ZNF518B: variants seen among roughly 807,000 people sequenced by gnomAD.
The protein encoded by ZNF518B is zinc finger protein 518B.
A neutral mutation model predicts 56.3 loss-of-function variants in ZNF518B; 23 were observed. That is an observed-to-expected ratio of 0.41 (90% CI 0.29 to 0.58). The LOEUF is 0.58. ZNF518B is among the 20% of genes least tolerant of loss of function. The pLI is 0.32. For synonymous variants in ZNF518B, 529 were observed against 465.9 expected (o/e 1.14, Z -1.74); for missense variants, 1,460 against 1,272.1 (o/e 1.15, Z -2.25).
At chr4:10,447,142 A>C (rs1168390004) in intron 2 of ZNF518B, among the ~76,000 whole-genome samples, 1 of 152,236 alleles carries the variant, frequency 6.6e-6, no homozygotes, top group East Asian at 1.9e-4. Flanking sequence ...GGCATTATTC[A>C]AAAGTGCTGT....
At chr4:10,455,957 A>G (rs1392187792) in intron 1 of ZNF518B, among the ~76,000 whole-genome samples, 1 of 152,216 alleles carries the variant, frequency 6.6e-6, no homozygotes, top group African/African-American at 2.4e-5. Context: ...CTGTGTACTG[A>G]CATCATATGC....
In ZNF518B at chr4:10,442,313, A is replaced by C. The variant is rs900482001; in HGVS notation, c.*791T>G. The C allele has an allele frequency of 6.6e-6, 1 of 152,256 alleles. No individual in the cohort carries two copies. The highest frequency in any genetic ancestry group is 2.1e-4 in the South Asian group (1 of 4,834). 9.4% of individuals were successfully genotyped at this position (152,256 alleles called of 1,614,324 possible). On this transcript the variant is annotated 3_prime_UTR_variant, in exon 3 of 3. Transcript: ENST00000326756. Reference sequence around the variant, plus strand: ...TTATGTTTCTGGGAGTGGTAAGGGCAAAGAGAAAATAGTTTTAGATATTTT... The same window carrying C: ...TTATGTTTCTGGGAGTGGTAAGGGCCAAGAGAAAATAGTTTTAGATATTTT...
Position 10,445,888 on chromosome 4 carries a change from C to T in ZNF518B, c.441G>A (p.Pro147=), listed in dbSNP as rs746820646. 1.4e-4 allele frequency: 225 copies of T among 1,614,044 alleles called. No homozygotes were observed. The highest frequency in any genetic ancestry group is 7.3e-4 in the Admixed American group (44 of 60,010). The change falls in exon 3 of 3, where the codon CCG becomes CCA. Residue 147 remains proline, a synonymous_variant. Coordinates refer to ENST00000326756, the MANE Select transcript of ZNF518B (RefSeq NM_053042.3). ...GAAGGGTGTGCTTTTTGTACTGCAG[C>T]GGGTCCTTTGTAGAGAATCGACATT... ...CDKCRFSTKD[P]LQYKKHTLQH... is the part of the protein sequence containing the mutation.
At position 10,444,311 on chromosome 4, in the gene ZNF518B, A is replaced by G. The variant is rs1714855303; in HGVS notation, c.2018T>C (p.Ile673Thr). The change falls in exon 3 of 3, where the codon ATT becomes ACT. Residue 673 changes from isoleucine to threonine, a missense_variant. Ile to Thr is a moderately conservative substitution (Grantham distance 89). Transcript: ENST00000326756. The part of the protein sequence containing the change: ...ELLRRKIAQL[I>T]ESCGKPSSLA... ...AGATGACGGCTTCCCACAGGACTCA[A>G]TTAACTGAGCTATCTTTCTGCGCAA... The G allele has an allele frequency of 6.2e-7, 1 of 1,614,098 alleles. No homozygotes were observed. The highest frequency in any genetic ancestry group is 1.3e-5 in the African/African-American group (1 of 74,942).
Position 10,445,599 on chromosome 4 carries a change from T to G in ZNF518B, c.730A>C (p.Lys244Gln), listed in dbSNP as rs1185412725. 1 of 1,614,204 alleles carries G rather than the reference T, an allele frequency of 6.2e-7. No individual in the cohort carries two copies. The highest frequency in any genetic ancestry group is 1.7e-5 in the Admixed American group (1 of 60,028). ...GTSKQNPELLKASNPRTTFQN... is the reference protein window; with the variant it reads ...GTSKQNPELLQASNPRTTFQN... The stretch of plus-strand genomic sequence containing the variant: ...AATGTAGTCCGTGGATTGGAAGCTT[T>G]TAGAAGCTCTGGGTTTTGTTTTGAA... Residue 244 changes from lysine (K) to glutamine (Q), a missense_variant, in exon 3 of 3, where the codon AAA becomes CAA. Transcript: ENST00000326756.
chr4:10,450,634 A>T (rs566932219), intron 2 of ZNF518B, among the ~76,000 whole-genome samples: 1 of 152,302 alleles, frequency 6.6e-6, no homozygotes, highest in African/African-American at 2.4e-5. Context: ...ACACCTGTGA[A>T]GCTGAGTCCT....
intron 2 of ZNF518B, among the ~76,000 whole-genome samples, chr4:10,447,085 G>A (rs1417201088): frequency 2.0e-5 from 3 of 152,212 alleles, no homozygotes; most frequent in Non-Finnish European, 4.4e-5. Context: ...TACTGACAAT[G>A]TTAGCAAGCC....
chr4:10,443,713 T>C lies in ZNF518B; in HGVS notation c.2616A>G (p.Glu872=), dbSNP rs1327281906. 2 of 1,614,092 alleles carry C rather than the reference T, an allele frequency of 1.2e-6. No homozygotes were observed. The highest frequency in any genetic ancestry group is 2.7e-5 in the African/African-American group (2 of 74,940). ...AAAGCAGTCTCCCTTGCTTATTTAA[T>C]TCACTGCTTCCTTGCTGTCCATACA... The part of the protein sequence containing the change: ...GLLYGQQGSS[E]LNKQGRLLSR... Residue 872 remains glutamate (E), a synonymous_variant, in exon 3 of 3, where the codon GAA becomes GAG. Coordinates refer to ENST00000326756, the MANE Select transcript of ZNF518B (RefSeq NM_053042.3).
chr4:10,452,581 T>C (rs998663466), intron 2 of ZNF518B: 4 of 152,150 alleles, frequency 2.6e-5, no homozygotes, highest in African/African-American at 9.7e-5. Context: ...CAGAAACAGC[T>C]TTCTAAGACC....
chr4:10,447,631 A>C (rs1043077462), intron 2 of ZNF518B, among the ~76,000 whole-genome samples: 1 of 150,308 alleles, frequency 6.7e-6, no homozygotes. Flanking sequence ...AAGCACTCCA[A>C]TATACACAGA....
intron 2 of ZNF518B, among the ~76,000 whole-genome samples, chr4:10,448,742 T>A (rs112909737): frequency 6.8e-4 from 103 of 152,270 alleles, no homozygotes; most frequent in African/African-American, 2.3e-3. Flanking sequence ...GACACATGAA[T>A]GCCTCAAGCT....
upstream of ZNF518B, among the ~76,000 whole-genome samples, chr4:10,460,338 A>AAAAAAAAAAAAAAAC: frequency 6.9e-6 from 1 of 144,932 alleles, no homozygotes; most frequent in East Asian, 2.1e-4. Flanking sequence ...AAAAAAAAAA[A>AAAAAAAAAAAAAAAC]CCGACCATGT....
chr4:10,454,629 C>T (rs1715454725), intron 2 of ZNF518B, 176 bp downstream of exon 2: 9 of 152,230 alleles, frequency 5.9e-5, no homozygotes, highest in Non-Finnish European at 1.5e-5. Context: ...CAGTTATCTG[C>T]TTCTTCCCTG....
At chr4:10,456,873 C>T (rs946295399) in intron 1 of ZNF518B, among the ~76,000 whole-genome samples, 2 of 152,034 alleles carry the variant, frequency 1.3e-5, no homozygotes, top group African/African-American at 4.8e-5. Flanking sequence ...TCCTTCATAA[C>T]GCTGGGGGCG....
chr4:10,459,717 G>A (rs543030442), upstream of ZNF518B, among the ~76,000 whole-genome samples: 4 of 152,286 alleles, frequency 2.6e-5, no homozygotes, highest in Admixed American at 6.5e-5. Context: ...GACAGAGGCC[G>A]AGATTGGAGT....
rs556080491 is a variant in ZNF518B at position 10,445,508 on chromosome 4, T to C, written c.821A>G (p.Asn274Ser). 13 of 1,614,220 alleles carry C rather than the reference T, an allele frequency of 8.1e-6. No homozygotes were observed. The highest frequency in any genetic ancestry group is 4.4e-5 in the South Asian group (4 of 91,086). The stretch of plus-strand genomic sequence containing the variant: ...CTTTGGTTCAGGTAACAACATGATA[T>C]TGTGCATTTTGTCTTTATTTGCATG... ...SLHANKDKMH[N>S]IMLLPEPKEY... The change falls in exon 3 of 3, where the codon AAT becomes AGT. Residue 274 changes from asparagine to serine, a missense_variant. Asn to Ser is a conservative substitution (Grantham distance 46, BLOSUM62 1). Coordinates refer to ENST00000326756, the MANE Select transcript of ZNF518B (RefSeq NM_053042.3).
chr4:10,450,116 C>T (rs1387006218), intron 2 of ZNF518B, among the ~76,000 whole-genome samples: 1 of 152,206 alleles, frequency 6.6e-6, no homozygotes, highest in Non-Finnish European at 1.5e-5. Flanking sequence ...ATGAGGAAGG[C>T]AGAGTCTTGG....
chr4:10,460,304 CAAAAAAAAAAAAAAAAAAACCAA>C (rs1241650624), upstream of ZNF518B, among the ~76,000 whole-genome samples: 22 of 8,802 alleles, frequency 2.5e-3, no homozygotes, highest in African/African-American at 0.013. Context: ...GACTCTGTCT[CAAAAAAAAAAAAAAAAAAACCAA>C]AAAAAAAAAA....
chr4:10,455,419 A>G (rs1715485866), intron 1 of ZNF518B, among the ~76,000 whole-genome samples: 1 of 152,246 alleles, frequency 6.6e-6, no homozygotes, highest in Admixed American at 6.5e-5. Flanking sequence ...CTTGTTTATC[A>G]TGATCAATAG....
Sources: gnomAD v4.1 joint callset for allele counts (sites outside exome capture counted in the v4.1 genomes callset) on GRCh38, gnomAD v4.1.1 for gene constraint, MANE v1.5 for transcripts, NCBI Gene and HGNC (gene_info 2026-07-23, HGNC 2026-07-21) for gene names.